Variants in CELF2 observed in about 807,000 individuals in gnomAD.
CELF2 encodes CUGBP Elav-like family member 2, also known as CUG triplet repeat RNA-binding protein 2.
A neutral mutation model predicts 62.6 loss-of-function variants in CELF2; 8 were observed. The observed-to-expected ratio is 0.13, with a 90% confidence interval of 0.07 to 0.23. The LOEUF is 0.23. CELF2 is among the 10% of genes least tolerant of loss of function. The pLI, the probability that CELF2 is intolerant of heterozygous loss-of-function variation, is 1.00. For missense variants in CELF2, 333 were observed against 671.0 expected, an observed-to-expected ratio of 0.50 and a Z score of 5.56; for synonymous variants, 258 against 250.0, an observed-to-expected ratio of 1.03 and a Z score of -0.30.
chr10:10,505,553 T>A, the CELF2 span, among the ~76,000 whole-genome samples: 1 of 152,006 alleles, frequency 6.6e-6, no homozygotes, highest in Non-Finnish European at 1.5e-5. Context: ...AAGGGGGACC[T>A]CATTACTGGT....
At chr10:10,735,636 G>A in the CELF2 span, among the ~76,000 whole-genome samples, 1 of 152,148 alleles carries the variant, frequency 6.6e-6, no homozygotes, top group Non-Finnish European at 1.5e-5. Flanking sequence ...TCAATAATTT[G>A]AATGCATCAT....
chr10:11,288,411 T>A lies in CELF2; in HGVS notation c.842-7T>A. 1 of 1,613,828 alleles carries A rather than the reference T, an allele frequency of 6.2e-7. No homozygotes were observed. The highest frequency in any genetic ancestry group is 8.5e-7 in the Non-Finnish European group (1 of 1,179,920). On this transcript the variant is annotated splice_region_variant and splice_polypyrimidine_tract_variant and intron_variant, in intron 8 of 12. Transcript: ENST00000633077. ...TTGCTGAAAGTAACTTTCTCTTCCC[T>A]CCACAGGCATGAATGCTTTACAGTT...
At chr10:10,827,672 T>G (rs2057506853) in intron 1 of CELF2, among the ~76,000 whole-genome samples, 1 of 152,212 alleles carries the variant, frequency 6.6e-6, no homozygotes. Context: ...GTATCCAGGA[T>G]AGTTACTCCT....
chr10:11,069,892 G>A (rs927984535), intron 1 of CELF2, among the ~76,000 whole-genome samples: 2 of 152,190 alleles, frequency 1.3e-5, no homozygotes, highest in South Asian at 4.1e-4. Context: ...TTAGAGCTAC[G>A]TTCAAACCTA....
At chr10:10,917,529 C>T (rs1028743547) in intron 1 of CELF2, among the ~76,000 whole-genome samples, 1 of 151,834 alleles carries the variant, frequency 6.6e-6, no homozygotes, top group Non-Finnish European at 1.5e-5. Flanking sequence ...TTAGTAGAGA[C>T]AGGGTCTCAC....
chr10:11,187,317 AATT>A (rs2075209243), intron 2 of CELF2, among the ~76,000 whole-genome samples: 1 of 152,014 alleles, frequency 6.6e-6, no homozygotes, highest in African/African-American at 2.4e-5. Flanking sequence ...TTTGATTTGA[AATT>A]ATTATGATAT....
At chr10:10,603,828 C>T in the CELF2 span, among the ~76,000 whole-genome samples, 2 of 151,638 alleles carry the variant, frequency 1.3e-5, no homozygotes, top group East Asian at 1.9e-4. Flanking sequence ...GAAAAGTAAA[C>T]TTTAACTTAT....
Position 11,211,969 on chromosome 10 carries a change from A to G in CELF2, c.272-5456A>G, listed in dbSNP as rs1461493046. 6.6e-6 allele frequency among the ~76,000 whole-genome samples: 1 copy of G among 152,132 alleles called. No homozygotes were observed. The highest frequency in any genetic ancestry group is 1.9e-4 in the East Asian group (1 of 5,182). The stretch of plus-strand genomic sequence containing the variant: ...AATACCTGAGGGAACTCTTCATGAC[A>G]GCAGAAACTATTAGTGAAAAAATAT... On this transcript the variant is annotated intron_variant, in intron 2 of 12. Coordinates refer to ENST00000633077, the MANE Select transcript of CELF2 (RefSeq NM_001326342.2). This position sits in a 1 kb window ranked among gnomAD's most constrained non-coding sequence, Gnocchi z 4.8.
At chr10:10,476,083 T>C in the CELF2 span, among the ~76,000 whole-genome samples, 1 of 152,164 alleles carries the variant, frequency 6.6e-6, no homozygotes, top group South Asian at 2.1e-4. Context: ...TAGCATGGCT[T>C]AGTTAGGAGT....
At chr10:11,049,276 G>A (rs974969028) in intron 1 of CELF2, among the ~76,000 whole-genome samples, 4 of 150,670 alleles carry the variant, frequency 2.7e-5, no homozygotes, top group African/African-American at 9.8e-5. Context: ...TAAGCCTCAA[G>A]TGAGAATCTC....
chr10:10,798,649 A>C (rs985281239), exon 1 of CELF2: 13 of 397,364 alleles, frequency 3.3e-5, no homozygotes, highest in Middle Eastern at 6.3e-4. Flanking sequence ...CAGCCCGGGA[A>C]GGAGGGAGCC....
intron 1 of CELF2, among the ~76,000 whole-genome samples, chr10:10,848,194 C>G (rs993144237): frequency 1.3e-5 from 2 of 152,116 alleles, no homozygotes; most frequent in African/African-American, 2.4e-5. Flanking sequence ...TAGGTAAAAG[C>G]TTTTCTAGTT....
At chr10:10,463,638 CTT>C in the CELF2 span, among the ~76,000 whole-genome samples, 1 of 152,098 alleles carries the variant, frequency 6.6e-6, no homozygotes, top group Non-Finnish European at 1.5e-5. Flanking sequence ...ATGTGTCAAA[CTT>C]TGAGCTTATC....
chr10:11,245,671 T>G lies in CELF2; in HGVS notation c.355-3482T>G, dbSNP rs1486000475. Among the ~76,000 whole-genome samples the G allele has an allele frequency of 2.0e-5, 3 of 152,340 alleles. No homozygotes were observed. The East Asian group carries it at 5.8e-4, about 29-fold the overall frequency. On this transcript the variant is annotated intron_variant, in intron 3 of 12. Transcript: ENST00000633077. ...AGCACAAGCCAATTCTCTGAGCAGC[T>G]GCACGAATGCTAAGGGTGCAGTCTT...
At chr10:11,301,500 C>G (rs1330399024) in intron 9 of CELF2, among the ~76,000 whole-genome samples, 2 of 55,342 alleles carry the variant, frequency 3.6e-5, no homozygotes, top group Non-Finnish European at 7.2e-5. Flanking sequence ...CGCACCCCCC[C>G]ACCCCGCTCC....
At chr10:10,633,830 A>G in the CELF2 span, among the ~76,000 whole-genome samples, 5 of 151,964 alleles carry the variant, frequency 3.3e-5, no homozygotes, top group African/African-American at 1.2e-4. Flanking sequence ...AATGAATATT[A>G]TATCTTTTCA....
At chr10:11,193,816 A>C (rs2056674828) in intron 2 of CELF2, among the ~76,000 whole-genome samples, 1 of 152,234 alleles carries the variant, frequency 6.6e-6, no homozygotes, top group Admixed American at 6.5e-5. Context: ...AGAAATTCAA[A>C]AAAGTGCCCA....
chr10:11,137,551 A>G (rs1460855172), intron 1 of CELF2, among the ~76,000 whole-genome samples: 2 of 152,234 alleles, frequency 1.3e-5, no homozygotes, highest in East Asian at 3.8e-4. Context: ...GGCCTGAGTA[A>G]TAGTACTTAT....
At chr10:10,588,468 C>T in the CELF2 span, among the ~76,000 whole-genome samples, 12 of 152,196 alleles carry the variant, frequency 7.9e-5, no homozygotes, top group East Asian at 5.8e-4. Flanking sequence ...TATTAAAGGG[C>T]GTATTGGGAT....
Sources: gnomAD v4.1 joint callset for allele counts (sites outside exome capture counted in the v4.1 genomes callset) on GRCh38, gnomAD v4.1.1 for gene constraint, Gnocchi (gnomAD v3.1) non-coding constraint, MANE v1.5 for transcripts, NCBI Gene and HGNC (gene_info 2026-07-23, HGNC 2026-07-21) for gene names.